CDC25C: variants seen among roughly 807,000 people sequenced by gnomAD.
The protein encoded by CDC25C is M-phase inducer phosphatase 3.
Under a neutral mutation model 52.5 loss-of-function variants are expected in CDC25C, and 48 were observed. That is an observed-to-expected ratio of 0.91 (90% CI 0.72 to 1.16). CDC25C has a LOEUF of 1.16. Ranked by LOEUF, CDC25C falls within the 50% of genes most tolerant of loss-of-function variation. The pLI, the probability that CDC25C is intolerant of heterozygous loss-of-function variation, is 0.00. For synonymous variants in CDC25C, 187 were observed against 206.5 expected, an observed-to-expected ratio of 0.91 and a Z score of 0.81; for missense variants, 510 against 566.1, an observed-to-expected ratio of 0.90 and a Z score of 1.01.
chr5:138,307,490 C>CAAAAAAAAAAAAAA (rs57593237), intron 7 of CDC25C, among the ~76,000 whole-genome samples: 151 of 88,194 alleles, frequency 1.7e-3, no homozygotes, highest in East Asian at 2.6e-3. Flanking sequence ...GAGACTGCCA[C>CAAAAAAAAAAAAAA]AAAAAAAAAA....
At chr5:138,328,457 T>G in intron 4 of CDC25C, 27 bp downstream of exon 4, 1 of 1,610,090 alleles carries the variant, frequency 6.2e-7, no homozygotes, top group South Asian at 1.1e-5. Context: ...GGCTTTTGTG[T>G]GGGGTTCATT....
chr5:138,292,536 C>T (rs1260549872), intron 7 of CDC25C, among the ~76,000 whole-genome samples: 3 of 139,610 alleles, frequency 2.1e-5, no homozygotes, highest in African/African-American at 7.9e-5. Flanking sequence ...GATCCTAGGA[C>T]ATTGACAATC....
At chr5:138,289,423 G>A in intron 10 of CDC25C, 78 bp downstream of exon 10, 5 of 1,008,288 alleles carry the variant, frequency 5.0e-6, no homozygotes, top group Non-Finnish European at 6.3e-6. Context: ...AAATACAAAT[G>A]GAAATGGGCA....
At chr5:138,319,491 G>T in intron 6 of CDC25C, 117 bp from the exon 7 acceptor site, 1 of 719,870 alleles carries the variant, frequency 1.4e-6, no homozygotes, top group Non-Finnish European at 2.1e-6. Flanking sequence ...TCATGACACT[G>T]GATTTGGATA....
chr5:138,294,108 C>A (rs770052234), intron 7 of CDC25C, among the ~76,000 whole-genome samples: 22 of 151,134 alleles, frequency 1.5e-4, no homozygotes, highest in African/African-American at 5.1e-4. Context: ...TCATTGCAAC[C>A]TCCGCCTCCC....
intron 7 of CDC25C, among the ~76,000 whole-genome samples, chr5:138,306,469 A>T (rs1758007161): frequency 6.6e-6 from 1 of 151,226 alleles, no homozygotes; most frequent in African/African-American, 2.4e-5. Flanking sequence ...ATTTCCGTTT[A>T]TTATTATTAT....
chr5:138,316,849 GC>G (rs1187892039), intron 7 of CDC25C, among the ~76,000 whole-genome samples: 3 of 152,096 alleles, frequency 2.0e-5, no homozygotes, highest in African/African-American at 7.2e-5. Flanking sequence ...GAGAGGAGCT[GC>G]CCCCTGTGGG....
chr5:138,335,785 GT>G (rs1293287688), upstream of CDC25C, among the ~76,000 whole-genome samples: 1 of 147,374 alleles, frequency 6.8e-6, no homozygotes, highest in Non-Finnish European at 1.5e-5. Context: ...TTTTTGTTTT[GT>G]TTTTTTTGTT....
Position 138,330,999 on chromosome 5 carries a change from C to G in CDC25C, c.182G>C (p.Ser61Thr). ...GKFLGDSANLSILSGGTPKRC... is the reference protein window; with the variant it reads ...GKFLGDSANLTILSGGTPKRC... ...AAAGTATATTTACCCAGACAAAATG[C>G]TTAGGTTTGCAGAATCACCAAGAAA... Residue 61 changes from serine to threonine, a missense_variant, in exon 2 of 14, where the codon AGC (serine) becomes ACC (threonine). By Grantham distance (58) the Ser-to-Thr change is moderately conservative. Transcript: ENST00000323760. The G allele has an allele frequency of 6.2e-7, 1 of 1,609,724 alleles. No individual in the cohort carries two copies. Among genetic ancestry groups the G allele is most frequent in the East Asian group, 2.2e-5 (1 of 44,870 alleles).
chr5:138,315,898 A>G (rs1758832162), intron 7 of CDC25C, among the ~76,000 whole-genome samples: 1 of 152,230 alleles, frequency 6.6e-6, no homozygotes, highest in East Asian at 1.9e-4. Flanking sequence ...TGCATGATCC[A>G]TGGAGCTAGC....
intron 7 of CDC25C, among the ~76,000 whole-genome samples, chr5:138,310,994 C>T (rs372879366): frequency 6.6e-6 from 1 of 152,154 alleles, no homozygotes. Context: ...ACATATAGAC[C>T]AATGGAATGG....
intron 7 of CDC25C, among the ~76,000 whole-genome samples, chr5:138,313,653 T>A (rs1390665814): frequency 6.6e-6 from 1 of 152,114 alleles, no homozygotes; most frequent in Non-Finnish European, 1.5e-5. Flanking sequence ...TCATTATCAG[T>A]CCCACAGTGG....
In CDC25C at chr5:138,331,788, G is replaced by C. The variant is rs11567955; in HGVS notation, c.-232C>G. On this transcript the variant is annotated 5_prime_UTR_variant, in exon 1 of 14. Transcript: ENST00000323760. ...TCCCTGAGCAGAAGGCCAAAGTTACGGCCTCTGAGCAAGAATATCAACAGC... is the reference window on the plus strand; with the variant it reads ...TCCCTGAGCAGAAGGCCAAAGTTACCGCCTCTGAGCAAGAATATCAACAGC... 65 of 986,260 alleles carry C rather than the reference G, an allele frequency of 6.6e-5. No homozygotes were observed. The East Asian group carries it at 5.8e-3, about 88-fold the overall frequency. The allele number at this position is 986,260 out of a possible 1,614,324, so 61.1% of individuals were successfully genotyped here. A position where few individuals can be genotyped will look rare whatever the true frequency, so the allele number is the denominator to read the frequency against.
chr5:138,288,679 C>T (rs546215751), intron 10 of CDC25C, among the ~76,000 whole-genome samples: 4 of 152,100 alleles, frequency 2.6e-5, no homozygotes, highest in East Asian at 3.9e-4. Context: ...GCAACAAGAG[C>T]GAAACTCCAT....
chr5:138,326,378 G>A (rs903299433), intron 4 of CDC25C, among the ~76,000 whole-genome samples: 2 of 151,802 alleles, frequency 1.3e-5, no homozygotes, highest in African/African-American at 2.4e-5. Context: ...ACGGAATCTG[G>A]CTCTGTCACT....
upstream of CDC25C, chr5:138,333,515 C>T (rs1760536977): frequency 6.6e-6 from 1 of 152,178 alleles, no homozygotes; most frequent in Admixed American, 6.5e-5. Flanking sequence ...TAGCACAGAA[C>T]CTTGCTATGC....
Position 138,288,105 on chromosome 5 carries a change from C to T in CDC25C, c.928-838G>A, listed in dbSNP as rs1168808707. On this transcript the variant is annotated intron_variant, in intron 10 of 13. Coordinates refer to ENST00000323760, the MANE Select transcript of CDC25C (RefSeq NM_001790.5). Reference sequence around the variant, plus strand: ...TTTTTTGTTTTTTGAGATGGAATTTCGCCCTTGTTGCCCAGGCTGGAGTAC... The same window carrying T: ...TTTTTTGTTTTTTGAGATGGAATTTTGCCCTTGTTGCCCAGGCTGGAGTAC... Among the ~76,000 whole-genome samples the T allele has an allele frequency of 6.6e-5, 10 of 151,790 alleles. No individual in the cohort carries two copies. In the East Asian group the frequency reaches 1.2e-3, roughly 18 times the overall value.
intron 4 of CDC25C, among the ~76,000 whole-genome samples, chr5:138,327,253 C>CAAA (rs758956397): frequency 8.1e-6 from 1 of 123,902 alleles, no homozygotes; most frequent in Non-Finnish European, 1.7e-5. Context: ...GACTCCATCT[C>CAAA]AAAAAAAAAA....
chr5:138,298,511 G>C (rs1189236532), intron 7 of CDC25C, among the ~76,000 whole-genome samples: 1 of 152,062 alleles, frequency 6.6e-6, no homozygotes, highest in African/African-American at 2.4e-5. Context: ...TAGCACTTTG[G>C]GAGGCTGAGG....
Sources: allele counts gnomAD v4.1 joint callset (sites outside exome capture counted in the v4.1 genomes callset), GRCh38; gene constraint gnomAD v4.1.1; transcripts MANE v1.5; gene names NCBI Gene and HGNC (gene_info 2026-07-23, HGNC 2026-07-21).